The following DIPK1A variants were observed in gnomAD, a reference collection of about 807,000 sequenced individuals.
DIPK1A encodes divergent protein kinase domain 1A.
In DIPK1A, 27 loss-of-function variants were observed where a neutral mutation model predicts 40.8. The ratio of observed to expected loss-of-function variants is 0.66; its 90% CI spans 0.49 to 0.91. The LOEUF (loss-of-function observed/expected upper bound fraction) is 0.91. Among genes scored for constraint, DIPK1A ranks in the 40% least tolerant of loss-of-function variants. DIPK1A has a pLI of 0.00. For synonymous variants in DIPK1A, 166 were observed against 171.3 expected (o/e 0.97, Z 0.24); for missense variants, 412 against 505.7 (o/e 0.81, Z 1.78).
intron 1 of DIPK1A, among the ~76,000 whole-genome samples, chr1:92,902,614 A>G (rs1649465085): frequency 6.6e-6 from 1 of 152,164 alleles, no homozygotes; most frequent in African/African-American, 2.4e-5. Flanking sequence ...AGGGGACCCT[A>G]ATGGTGAGGA....
chr1:92,958,533 G>GTACTCT (rs1490253776), intron 1 of DIPK1A, among the ~76,000 whole-genome samples: 7 of 151,992 alleles, frequency 4.6e-5, no homozygotes, highest in Non-Finnish European at 1.0e-4. Flanking sequence ...ACTTCTTCCT[G>GTACTCT]TACTCTTACC....
chr1:92,923,149 GT>G (rs1650336488), intron 1 of DIPK1A, among the ~76,000 whole-genome samples: 1 of 151,866 alleles, frequency 6.6e-6, no homozygotes, highest in Non-Finnish European at 1.5e-5. Context: ...GTTTGTTTTT[GT>G]TTTTTTGAGA....
chr1:92,940,128 A>G (rs878972535), intron 1 of DIPK1A, among the ~76,000 whole-genome samples: 2 of 152,192 alleles, frequency 1.3e-5, no homozygotes, highest in African/African-American at 4.8e-5. Context: ...ATGGGGAGCT[A>G]GAAATAGGAA....
Position 92,846,811 on chromosome 1 carries a change from A to ATATATATGTGTG in DIPK1A, c.474+371_474+372insCACACATATATA, listed in dbSNP as rs1553123750. Among the ~76,000 whole-genome samples the ATATATATGTGTG allele has an allele frequency of 0.022, 70 of 3,194 alleles. 10 individuals carry two copies. The East Asian group carries it at 0.33, about 15-fold the overall frequency. 2.1% of individuals were successfully genotyped at this position (3,194 alleles called of 152,430 possible). On this transcript the variant is annotated intron_variant, in intron 4 of 4. Transcript: ENST00000370310. ...TCCTGGCATATATATATATATATAT[A>ATATATATGTGTG]TATATATATATATATATATATATAT...
chr1:92,848,010 T>A (rs971709817), intron 3 of DIPK1A, among the ~76,000 whole-genome samples: 1 of 152,172 alleles, frequency 6.6e-6, no homozygotes, highest in Admixed American at 6.5e-5. Context: ...TTGCTGGGAT[T>A]GTAGGTATGA....
intron 1 of DIPK1A, among the ~76,000 whole-genome samples, chr1:92,882,020 C>T (rs533095774): frequency 5.9e-5 from 9 of 152,248 alleles, no homozygotes; most frequent in Non-Finnish European, 8.8e-5. Flanking sequence ...CACAGAATTA[C>T]TTAAAATATA....
chr1:92,961,424 C>A lies in DIPK1A; in HGVS notation c.6G>T (p.Ala2=). 2 of 1,517,764 alleles carry A rather than the reference C, an allele frequency of 1.3e-6. No individual in the cohort carries two copies. Among genetic ancestry groups the A allele is most frequent in the Non-Finnish European group, 1.8e-6 (2 of 1,129,862 alleles). 94.0% of individuals were successfully genotyped at this position (1,517,764 alleles called of 1,614,324 possible). The change falls in exon 1 of 5, where the codon GCG becomes GCT. Residue 2 remains alanine (A), a synonymous_variant. Transcript: ENST00000370310. Reference sequence around the variant, plus strand: ...GCCAGGCCCCCGGACAGAGACTCCTCGCCATGGTAATCACACATCGCCCCG... The same window carrying A: ...GCCAGGCCCCCGGACAGAGACTCCTAGCCATGGTAATCACACATCGCCCCG... M[A]RSLCPGAWLR... is the part of the protein sequence containing the mutation.
Position 92,849,726 on chromosome 1 carries a change from T to G in DIPK1A, c.297+1122A>C, listed in dbSNP as rs113675188. Among the ~76,000 whole-genome samples the G allele has an allele frequency of 3.2e-3, 486 of 151,986 alleles. 3 individuals carry two copies. The highest frequency in any genetic ancestry group is 0.011 in the African/African-American group (453 of 41,460). ...AGGGGGTATCGCAATGTTGCTCAGG[T>G]TGGTCTTGAATGCCTGGCCTCAAGT... is the stretch of plus-strand genomic sequence containing the variant. On this transcript the variant is annotated intron_variant, in intron 3 of 4. Coordinates refer to ENST00000370310, the MANE Select transcript of DIPK1A (RefSeq NM_001006605.5).
At chr1:92,876,453 C>G (rs776283942) in intron 1 of DIPK1A, 23 bp from the exon 2 acceptor site, 1 of 1,609,924 alleles carries the variant, frequency 6.2e-7, no homozygotes, top group South Asian at 1.1e-5. Context: ...AAGAACATAA[C>G]GATCATTCAT....
At chr1:92,855,551 T>A (rs964688389) in intron 2 of DIPK1A, among the ~76,000 whole-genome samples, 6 of 151,040 alleles carry the variant, frequency 4.0e-5, no homozygotes, top group South Asian at 2.1e-4. Context: ...TTTTTTTTTT[T>A]AAATTAGCCA....
rs1553135178 is a variant in DIPK1A, at chr1:92,948,643, A to ATATATATACGTATATATACATATGTG, written c.54+12707_54+12732dup. 3.1e-3 allele frequency among the ~76,000 whole-genome samples: 289 copies of ATATATATACGTATATATACATATGTG among 92,230 alleles called. 5 individuals carry two copies. The Middle Eastern group carries it at 0.033, about 10-fold the overall frequency. 60.5% of individuals were successfully genotyped at this position (92,230 alleles called of 152,430 possible). A position where few individuals can be genotyped will look rare whatever the true frequency, so the allele number is the denominator to read the frequency against. On this transcript the variant is annotated intron_variant, in intron 1 of 4. Transcript: ENST00000370310. ...TTTATTTTATATTTTTTTGTATTTA[A>ATATATATACGTATATATACATATGTG]TATATATACGTATATATACATATGT...
chr1:92,837,472 G>A, downstream of DIPK1A: 1 of 1,613,286 alleles, frequency 6.2e-7, no homozygotes, highest in Non-Finnish European at 8.5e-7. Flanking sequence ...ACGATTCCCT[G>A]GTTATGATTC....
At chr1:92,923,358 C>T (rs953148515) in intron 1 of DIPK1A, among the ~76,000 whole-genome samples, 15 of 152,174 alleles carry the variant, frequency 9.9e-5, no homozygotes, top group African/African-American at 3.4e-4. Flanking sequence ...AGGCTGGTCT[C>T]GAACTCCTGA....
At chr1:92,902,272 A>C (rs557329530) in intron 1 of DIPK1A, among the ~76,000 whole-genome samples, 21 of 152,200 alleles carry the variant, frequency 1.4e-4, no homozygotes, top group Non-Finnish European at 2.9e-4. Context: ...CCCAAAGGGC[A>C]GGGTAAGGGG....
At chr1:92,841,694 T>G, downstream of DIPK1A, 1 of 951,354 alleles carries the variant, frequency 1.1e-6, no homozygotes. Flanking sequence ...TTAAATTTTA[T>G]TAAAATTTTA....
chr1:92,839,381 A>G (rs145937142), downstream of DIPK1A, among the ~76,000 whole-genome samples: 106 of 152,316 alleles, frequency 7.0e-4, no homozygotes, highest in African/African-American at 2.3e-3. Flanking sequence ...ATTGCCCAAT[A>G]AAATATCTGA....
chr1:92,903,486 CT>C (rs1336417721), intron 1 of DIPK1A, among the ~76,000 whole-genome samples: 20 of 152,226 alleles, frequency 1.3e-4, no homozygotes, highest in Admixed American at 1.3e-3. Context: ...AAAATATGCT[CT>C]CTTAATATTA....
At chr1:92,865,212 A>C (rs895034366) in intron 2 of DIPK1A, among the ~76,000 whole-genome samples, 3 of 151,942 alleles carry the variant, frequency 2.0e-5, no homozygotes, top group African/African-American at 7.3e-5. Context: ...AAATTTTAAA[A>C]ATTAGCTGGG....
downstream of DIPK1A, among the ~76,000 whole-genome samples, chr1:92,838,066 T>C (rs185408417): frequency 5.8e-4 from 89 of 152,336 alleles, 1 homozygote; most frequent in African/African-American, 2.1e-3. Flanking sequence ...AGGGGAGCCA[T>C]GTTTGCAAGA....
Sources: gnomAD v4.1 joint callset for allele counts (sites outside exome capture counted in the v4.1 genomes callset) on GRCh38, gnomAD v4.1.1 for gene constraint, MANE v1.5 for transcripts, NCBI Gene and HGNC (gene_info 2026-07-23, HGNC 2026-07-21) for gene names.